The following KIRREL1 variants were observed in gnomAD, a reference collection of about 807,000 sequenced individuals.
KIRREL1 encodes the protein kin of IRRE-like protein 1.
KIRREL1 carries 25 observed loss-of-function variants against 83.3 expected under a neutral mutation model. The ratio of observed to expected loss-of-function variants is 0.30; its 90% confidence interval spans 0.22 to 0.42. The LOEUF is 0.42. Among genes scored for constraint, KIRREL1 ranks in the 10% least tolerant of loss-of-function variants. KIRREL1 has a pLI of 1.00. For synonymous variants in KIRREL1, 388 were observed against 410.4 expected, an observed-to-expected ratio of 0.95 and a Z score of 0.66; for missense variants, 812 against 1,032.3, an observed-to-expected ratio of 0.79 and a Z score of 2.92.
intron 1 of KIRREL1, among the ~76,000 whole-genome samples, chr1:158,070,774 G>T (rs1450462910): frequency 6.6e-6 from 1 of 152,038 alleles, no homozygotes; most frequent in Non-Finnish European, 1.5e-5. Context: ...GCTGGTGGGC[G>T]ATTAGGGTTA....
chr1:157,999,488 T>G (rs1313632921), intron 1 of KIRREL1, among the ~76,000 whole-genome samples: 1 of 152,114 alleles, frequency 6.6e-6, no homozygotes, highest in Admixed American at 6.5e-5. Flanking sequence ...AGAAGTTAAA[T>G]AAATTGCAAA....
chr1:158,086,589 G>T lies in KIRREL1; in HGVS notation c.511-7G>T. On this transcript the variant is annotated splice_polypyrimidine_tract_variant and splice_region_variant and intron_variant, in intron 4 of 14. Coordinates refer to ENST00000359209, the MANE Select transcript of KIRREL1 (RefSeq NM_018240.7). ...TAACCATATCTCCCACCCTTGTCAT[G>T]TTCCAGGAATTGCTGAAGGATGGGA... The T allele has an allele frequency of 6.4e-7, 1 of 1,551,848 alleles. No individual in the cohort carries two copies. The highest frequency in any genetic ancestry group is 8.7e-7 in the Non-Finnish European group (1 of 1,147,008).
chr1:158,092,676 G>A (rs1295843053), intron 11 of KIRREL1, among the ~76,000 whole-genome samples: 3 of 152,162 alleles, frequency 2.0e-5, no homozygotes, highest in Non-Finnish European at 2.9e-5. Context: ...AAGGATGCCA[G>A]CAAGGGGGTT....
At chr1:158,077,958 C>G (rs1661732208) in intron 2 of KIRREL1, 33 bp from the exon 3 acceptor site, 1 of 1,610,604 alleles carries the variant, frequency 6.2e-7, no homozygotes, top group Admixed American at 1.7e-5. Context: ...GTCCTTGTTT[C>G]AAGGTTGGGC....
At chr1:158,042,945 G>A (rs112513940) in intron 1 of KIRREL1, among the ~76,000 whole-genome samples, 14,907 of 150,666 alleles carry the variant, frequency 0.099, 949 homozygotes, top group Middle Eastern at 0.14. Context: ...AAAATTAGCC[G>A]GGCGTGGTGG....
intron 1 of KIRREL1, among the ~76,000 whole-genome samples, chr1:158,002,934 A>T (rs1659407553): frequency 6.6e-6 from 1 of 152,156 alleles, no homozygotes; most frequent in Non-Finnish European, 1.5e-5. Flanking sequence ...CCAGGAACAA[A>T]GGCAGTTTAT....
intron 3 of KIRREL1, 68 bp from the exon 4 acceptor site, chr1:158,084,354 A>T: frequency 6.9e-7 from 1 of 1,440,148 alleles, no homozygotes; most frequent in Non-Finnish European, 9.3e-7. Flanking sequence ...TTCCAGAGGC[A>T]GGAGTTTTGG....
intron 1 of KIRREL1, among the ~76,000 whole-genome samples, chr1:158,004,096 T>C (rs1405367144): frequency 6.6e-6 from 1 of 152,178 alleles, no homozygotes; most frequent in African/African-American, 2.4e-5. Flanking sequence ...TTCTGTGTGA[T>C]CATGACCAAG....
intron 1 of KIRREL1, among the ~76,000 whole-genome samples, chr1:158,063,859 G>T (rs943683472): frequency 1.3e-5 from 2 of 152,162 alleles, no homozygotes; most frequent in African/African-American, 2.4e-5. Context: ...CATCATGGCC[G>T]CTGTCGCACT....
intron 1 of KIRREL1, among the ~76,000 whole-genome samples, chr1:158,031,355 A>G (rs181167335): frequency 6.6e-6 from 1 of 151,610 alleles, no homozygotes; most frequent in Non-Finnish European, 1.5e-5. Flanking sequence ...ACACACACAC[A>G]TGCACACACA....
intron 1 of KIRREL1, among the ~76,000 whole-genome samples, chr1:158,052,285 T>A (rs1660927383): frequency 6.6e-6 from 1 of 152,204 alleles, no homozygotes; most frequent in Non-Finnish European, 1.5e-5. Flanking sequence ...CTGGAGGAAC[T>A]GTCCCGCTCC....
intron 1 of KIRREL1, among the ~76,000 whole-genome samples, chr1:158,016,827 G>T (rs909160201): frequency 6.6e-6 from 1 of 152,302 alleles, no homozygotes; most frequent in African/African-American, 2.4e-5. Context: ...AGAGGGCTAA[G>T]CCTTGGAAAG....
At chr1:158,060,008 T>G (rs2101603822) in intron 1 of KIRREL1, among the ~76,000 whole-genome samples, 1 of 152,202 alleles carries the variant, frequency 6.6e-6, no homozygotes, top group Admixed American at 6.5e-5. Flanking sequence ...TGGTGTGAGG[T>G]TTCTGTGAAA....
chr1:158,071,642 GA>G (rs1157192171), intron 1 of KIRREL1, among the ~76,000 whole-genome samples: 2 of 152,162 alleles, frequency 1.3e-5, no homozygotes, highest in African/African-American at 4.8e-5. Flanking sequence ...TGGCCCCCGG[GA>G]GGCCACCTTC....
intron 1 of KIRREL1, among the ~76,000 whole-genome samples, chr1:158,006,642 C>G (rs1571529572): frequency 6.6e-6 from 1 of 152,206 alleles, no homozygotes; most frequent in Admixed American, 6.5e-5. Context: ...TCACAAGAAC[C>G]TGGCTGAGTC....
intron 1 of KIRREL1, among the ~76,000 whole-genome samples, chr1:158,058,599 C>T (rs1413191135): frequency 6.6e-6 from 1 of 152,158 alleles, no homozygotes; most frequent in African/African-American, 2.4e-5. Context: ...GTTTCTGATC[C>T]TGCTTTCTGC....
intron 10 of KIRREL1, among the ~76,000 whole-genome samples, chr1:158,090,920 G>A (rs528125691): frequency 6.6e-6 from 1 of 152,272 alleles, no homozygotes; most frequent in South Asian, 2.1e-4. Context: ...GGCTTGATGG[G>A]GAGAGGAGCC....
intron 2 of KIRREL1, among the ~76,000 whole-genome samples, chr1:158,077,104 G>A (rs1661700866): frequency 6.6e-6 from 1 of 152,216 alleles, no homozygotes. Flanking sequence ...TTAAAGCACT[G>A]TAAAGAAGTA....
At chr1:158,070,278 T>A (rs1295174801) in intron 1 of KIRREL1, among the ~76,000 whole-genome samples, 3 of 152,234 alleles carry the variant, frequency 2.0e-5, no homozygotes, top group Non-Finnish European at 2.9e-5. Context: ...GATATCCCTG[T>A]AGCAGAAAAT....
Sources: gnomAD v4.1 joint callset for allele counts (sites outside exome capture counted in the v4.1 genomes callset) on GRCh38, gnomAD v4.1.1 for gene constraint, MANE v1.5 for transcripts, NCBI Gene and HGNC (gene_info 2026-07-23, HGNC 2026-07-21) for gene names.